The following AUTS2 variants were observed in gnomAD, a reference collection of about 807,000 sequenced individuals.
AUTS2 encodes activator of transcription and developmental regulator AUTS2.
A neutral mutation model predicts 112.4 loss-of-function variants in AUTS2; 17 were observed. The ratio of observed to expected loss-of-function variants is 0.15; its 90% CI spans 0.10 to 0.23. The LOEUF is 0.23. AUTS2 is among the 10% of genes least tolerant of loss of function. The pLI is 1.00. For synonymous variants in AUTS2, 751 were observed against 702.7 expected (o/e 1.07, Z -1.09); for missense variants, 1,510 against 1,701.6 (o/e 0.89, Z 1.98).
chr7:69,615,520 C>T (rs1006169128), intron 1 of AUTS2, among the ~76,000 whole-genome samples: 1 of 152,140 alleles, frequency 6.6e-6, no homozygotes, highest in African/African-American at 2.4e-5. Context: ...CCAGGTTGGT[C>T]TCGAACTCCT....
intron 5 of AUTS2, among the ~76,000 whole-genome samples, chr7:70,609,994 TGTTGTTG>T (rs1804001051): frequency 1.3e-5 from 2 of 149,830 alleles, no homozygotes; most frequent in Non-Finnish European, 3.0e-5. Context: ...TTGTTGTTGT[TGTTGTTG>T]TTTTGAGACA....
intron 4 of AUTS2, among the ~76,000 whole-genome samples, chr7:70,169,211 G>A (rs1160803050): frequency 6.6e-6 from 1 of 151,974 alleles, no homozygotes; most frequent in Non-Finnish European, 1.5e-5. Flanking sequence ...TTGGAGAGAT[G>A]CTACAGAGCT....
chr7:70,547,067 T>G (rs1242724772), intron 5 of AUTS2, among the ~76,000 whole-genome samples: 1 of 152,234 alleles, frequency 6.6e-6, no homozygotes, highest in African/African-American at 2.4e-5. Flanking sequence ...TTTAGTAAAT[T>G]TATAGCGTTG....
At chr7:70,495,794 C>G (rs1798447811) in intron 5 of AUTS2, among the ~76,000 whole-genome samples, 1 of 140,106 alleles carries the variant, frequency 7.1e-6, no homozygotes, top group African/African-American at 2.7e-5. Context: ...ACACACACAC[C>G]CCACACATGC....
chr7:70,376,755 A>T (rs986171264), intron 4 of AUTS2, among the ~76,000 whole-genome samples: 8 of 149,356 alleles, frequency 5.4e-5, no homozygotes, highest in African/African-American at 2.0e-4. Context: ...CTCTGGGAGG[A>T]TAAGGAAAGT....
chr7:70,689,668 C>T (rs1010880312), intron 5 of AUTS2, among the ~76,000 whole-genome samples: 10 of 149,404 alleles, frequency 6.7e-5, no homozygotes, highest in African/African-American at 1.2e-4. Context: ...CCCAGCTACT[C>T]GGGAGGCTGA....
At chr7:70,260,346 A>G (rs1787101656) in intron 4 of AUTS2, among the ~76,000 whole-genome samples, 2 of 152,028 alleles carry the variant, frequency 1.3e-5, no homozygotes, top group East Asian at 1.9e-4. Flanking sequence ...TGCCTGGGTG[A>G]CAGAGCAAGA....
At chr7:70,564,870 C>T (rs182544105) in intron 5 of AUTS2, among the ~76,000 whole-genome samples, 4 of 152,042 alleles carry the variant, frequency 2.6e-5, no homozygotes, top group South Asian at 4.2e-4. Flanking sequence ...GAGGCCGAGG[C>T]GGATGGATCA....
chr7:70,557,231 G>T (rs1218436981), intron 5 of AUTS2, among the ~76,000 whole-genome samples: 1 of 152,188 alleles, frequency 6.6e-6, no homozygotes, highest in African/African-American at 2.4e-5. Context: ...GAACCTGCCG[G>T]ATGCACAATT....
intron 5 of AUTS2, among the ~76,000 whole-genome samples, chr7:70,472,815 G>A (rs563049449): frequency 6.6e-6 from 1 of 152,316 alleles, no homozygotes; most frequent in South Asian, 2.1e-4. Flanking sequence ...GTCACAGAAA[G>A]GGCCTCAGAT....
At chr7:69,856,662 C>A (rs986268607) in intron 1 of AUTS2, among the ~76,000 whole-genome samples, 3 of 152,184 alleles carry the variant, frequency 2.0e-5, no homozygotes, top group African/African-American at 7.2e-5. Flanking sequence ...TTAGTTTCCT[C>A]AGTTGTGCAG....
chr7:70,421,464 A>C (rs1364357123), intron 4 of AUTS2, among the ~76,000 whole-genome samples: 2 of 152,208 alleles, frequency 1.3e-5, no homozygotes, highest in Non-Finnish European at 2.9e-5. Flanking sequence ...CATGGCTGCC[A>C]TTTAAAATGT....
chr7:70,496,024 C>CA (rs1333046973), intron 5 of AUTS2, among the ~76,000 whole-genome samples: 2 of 109,402 alleles, frequency 1.8e-5, no homozygotes, highest in African/African-American at 3.7e-5. Context: ...CACACACCCC[C>CA]CCCACACACA....
chr7:70,261,461 A>C (rs1787166249), intron 4 of AUTS2, among the ~76,000 whole-genome samples: 1 of 152,220 alleles, frequency 6.6e-6, no homozygotes, highest in Non-Finnish European at 1.5e-5. Context: ...TCAAGTGGGT[A>C]CATTTTTTCT....
intron 1 of AUTS2, among the ~76,000 whole-genome samples, chr7:69,880,147 C>T (rs182175364): frequency 4.6e-5 from 7 of 152,210 alleles, no homozygotes; most frequent in East Asian, 3.9e-4. Context: ...GCACATCTTA[C>T]GTGGCCTGGG....
intron 1 of AUTS2, among the ~76,000 whole-genome samples, chr7:69,711,287 T>C (rs1440203007): frequency 2.0e-5 from 3 of 152,102 alleles, no homozygotes; most frequent in Non-Finnish European, 4.4e-5. Context: ...TAGAACTGGG[T>C]AGGAACAGGG....
At chr7:70,169,247 TA>T (rs1329356937) in intron 4 of AUTS2, among the ~76,000 whole-genome samples, 2 of 151,538 alleles carry the variant, frequency 1.3e-5, no homozygotes. Flanking sequence ...TTAATATATA[TA>T]TATTTTTTTT....
intron 2 of AUTS2, among the ~76,000 whole-genome samples, chr7:70,100,274 A>G (rs1229068733): frequency 6.6e-6 from 1 of 152,146 alleles, no homozygotes; most frequent in Non-Finnish European, 1.5e-5. Context: ...TGCACAAATT[A>G]TCTCTGTGCT....
chr7:70,676,481 G>C (rs1022628038), intron 5 of AUTS2, among the ~76,000 whole-genome samples: 2 of 152,060 alleles, frequency 1.3e-5, no homozygotes, highest in African/African-American at 4.8e-5. Context: ...CAGAGAGAGT[G>C]AGCCCAACCA....
Sources: gnomAD v4.1 joint callset for allele counts (sites outside exome capture counted in the v4.1 genomes callset) on GRCh38, gnomAD v4.1.1 for gene constraint, MANE v1.5 for transcripts, NCBI Gene and HGNC (gene_info 2026-07-23, HGNC 2026-07-21) for gene names.